NAALADL2: variants seen among roughly 807,000 people sequenced by gnomAD.
NAALADL2 encodes the protein inactive N-acetylated-alpha-linked acidic dipeptidase-like protein 2.
In NAALADL2, 76 loss-of-function variants were observed where a neutral mutation model predicts 87.2. That is an observed-to-expected ratio of 0.87 (90% CI 0.72 to 1.05). The LOEUF (loss-of-function observed/expected upper bound fraction) is 1.05. Ranked by LOEUF, NAALADL2 falls within the 50% of genes least tolerant of loss-of-function variation. The pLI, the probability that NAALADL2 is intolerant of heterozygous loss-of-function variation, is 0.00. For missense variants in NAALADL2, 1,089 were observed against 945.8 expected, an observed-to-expected ratio of 1.15 and a Z score of -1.99; for synonymous variants, 354 against 331.0, an observed-to-expected ratio of 1.07 and a Z score of -0.75.
chr3:174,935,724 C>T (rs1172299082), intron 1 of NAALADL2, among the ~76,000 whole-genome samples: 3 of 152,016 alleles, frequency 2.0e-5, no homozygotes, highest in Admixed American at 2.0e-4. Flanking sequence ...TAAATTTCTT[C>T]AGAGCTACGG....
intron 5 of NAALADL2, among the ~76,000 whole-genome samples, chr3:175,440,223 T>C (rs1257509181): frequency 1.3e-5 from 2 of 152,140 alleles, no homozygotes; most frequent in Non-Finnish European, 1.5e-5. Context: ...CTGGGTTCTC[T>C]ATTCTGTTCC....
intron 4 of NAALADL2, among the ~76,000 whole-genome samples, chr3:175,314,072 CAAAAAAA>C (rs10678475): frequency 4.8e-4 from 38 of 79,846 alleles, no homozygotes; most frequent in African/African-American, 1.5e-3. Flanking sequence ...GACTCCATCT[CAAAAAAA>C]AAAAAAAAAA....
intron 1 of NAALADL2, among the ~76,000 whole-genome samples, chr3:175,078,028 C>CTTT (rs58379991): frequency 1.4e-5 from 2 of 143,854 alleles, no homozygotes; most frequent in East Asian, 4.0e-4. Context: ...TCTTTTCTTT[C>CTTT]TTTTTTTTTT....
chr3:174,939,657 A>G (rs74332758), intron 1 of NAALADL2, among the ~76,000 whole-genome samples: 6,266 of 151,686 alleles, frequency 0.041, 434 homozygotes, highest in African/African-American at 0.14. Flanking sequence ...ATTTATTTTT[A>G]TTTGTTTGTC....
chr3:174,563,673 A>C (rs1713898809), intron 2 of NAALADL2, among the ~76,000 whole-genome samples: 1 of 151,988 alleles, frequency 6.6e-6, no homozygotes, highest in African/African-American at 2.4e-5. Flanking sequence ...TCTGATCCCT[A>C]AGTTATTTAA....
rs545972535 is a variant in NAALADL2, at chr3:174,981,413, T to C, written c.44-115377T>C. On this transcript the variant is annotated intron_variant, in intron 1 of 13. Transcript: ENST00000454872. ...AGTTAATATGTGGCCATGTAATTCATAGTAACAAATCAAACATGGGCCAAA... is the reference window on the plus strand; with the variant it reads ...AGTTAATATGTGGCCATGTAATTCACAGTAACAAATCAAACATGGGCCAAA... 4.6e-5 allele frequency among the ~76,000 whole-genome samples: 7 copies of C among 152,288 alleles called. No individual in the cohort carries two copies. The South Asian group carries it at 1.5e-3, about 32-fold the overall frequency.
chr3:174,665,742 T>C (rs950337387), intron 2 of NAALADL2, among the ~76,000 whole-genome samples: 1 of 152,168 alleles, frequency 6.6e-6, no homozygotes. Flanking sequence ...AAATTTATTC[T>C]CTCCCAGTCT....
At chr3:175,440,754 G>A (rs1269093829) in intron 5 of NAALADL2, among the ~76,000 whole-genome samples, 8 of 152,136 alleles carry the variant, frequency 5.3e-5, no homozygotes, top group African/African-American at 1.9e-4. Flanking sequence ...AAACTTTGCT[G>A]AATTCATTTA....
rs77689754 is a variant in NAALADL2 at position 175,613,809 on chromosome 3, T to A, written c.1801-13482T>A. The stretch of plus-strand genomic sequence containing the variant: ...GGATTTTTCTGAGGGTTAATTGAGC[T>A]ACTATTACAATGTATTTTAGCATCA... On this transcript the variant is annotated intron_variant, in intron 10 of 13. Coordinates refer to ENST00000454872, the MANE Select transcript of NAALADL2 (RefSeq NM_207015.3). 6.3e-4 allele frequency among the ~76,000 whole-genome samples: 96 copies of A among 152,334 alleles called. 2 individuals are homozygous for A. In the East Asian group the frequency reaches 0.015, roughly 25 times the overall value.
intron 3 of NAALADL2, among the ~76,000 whole-genome samples, chr3:174,842,883 AC>A (rs1002543442): frequency 4.6e-5 from 7 of 152,160 alleles, no homozygotes; most frequent in African/African-American, 1.7e-4. Context: ...CATTGAAATT[AC>A]AGTATTTTCC....
chr3:174,787,605 A>AC, intron 3 of NAALADL2, among the ~76,000 whole-genome samples: 1 of 89,248 alleles, frequency 1.1e-5, no homozygotes, highest in Non-Finnish European at 2.4e-5. Flanking sequence ...ATATATATAT[A>AC]TATATATATA....
At chr3:175,471,842 A>G in intron 9 of NAALADL2, 84 bp downstream of exon 9, 1 of 1,100,916 alleles carries the variant, frequency 9.1e-7, no homozygotes, top group South Asian at 1.5e-5. Context: ...TTTTTCATTT[A>G]TTTTTAAATA....
chr3:174,715,030 G>T (rs915207475), intron 2 of NAALADL2, among the ~76,000 whole-genome samples: 2 of 152,072 alleles, frequency 1.3e-5, no homozygotes, highest in African/African-American at 2.4e-5. Flanking sequence ...TTTGTCAAAG[G>T]CCTTTTCTGC....
intron 1 of NAALADL2, among the ~76,000 whole-genome samples, chr3:175,032,325 G>A (rs919204374): frequency 6.6e-6 from 1 of 151,924 alleles, no homozygotes; most frequent in African/African-American, 2.4e-5. Context: ...CAAAAAATTA[G>A]CATTTTTTTA....
intron 5 of NAALADL2, among the ~76,000 whole-genome samples, chr3:175,383,011 A>T (rs959539901): frequency 1.3e-5 from 2 of 152,058 alleles, no homozygotes; most frequent in Non-Finnish European, 2.9e-5. Flanking sequence ...TTAATATTTC[A>T]TACGTTTTGG....
chr3:175,013,268 T>A, intron 1 of NAALADL2, among the ~76,000 whole-genome samples: 4 of 96,736 alleles, frequency 4.1e-5, no homozygotes, highest in African/African-American at 2.0e-4. Context: ...CATATATTTT[T>A]ATATATATAC....
At chr3:175,216,967 A>G (rs1369442693) in intron 2 of NAALADL2, among the ~76,000 whole-genome samples, 1 of 152,070 alleles carries the variant, frequency 6.6e-6, no homozygotes, top group Non-Finnish European at 1.5e-5. Flanking sequence ...GCACCTGGAT[A>G]AGAATATTTA....
intron 2 of NAALADL2, among the ~76,000 whole-genome samples, chr3:175,132,780 G>A (rs1214992224): frequency 2.6e-5 from 4 of 151,218 alleles, no homozygotes; most frequent in African/African-American, 7.3e-5. Context: ...CTCTCCTGGC[G>A]GGGGCTGACC....
chr3:175,137,766 G>GTTTTTTT (rs113841309), intron 2 of NAALADL2, among the ~76,000 whole-genome samples: 3 of 151,148 alleles, frequency 2.0e-5, no homozygotes, highest in African/African-American at 2.4e-5. Context: ...ACCCAGCTAA[G>GTTTTTTT]TTTGTTTTGT....
Sources: allele counts gnomAD v4.1 joint callset (sites outside exome capture counted in the v4.1 genomes callset), GRCh38; gene constraint gnomAD v4.1.1; transcripts MANE v1.5; gene names NCBI Gene and HGNC (gene_info 2026-07-23, HGNC 2026-07-21).